Variants in SLC26A7 observed in about 807,000 individuals in gnomAD.
SLC26A7 encodes the protein anion exchange transporter.
In SLC26A7, 59 loss-of-function variants were observed where a neutral mutation model predicts 82.5. The observed-to-expected ratio is 0.72, with a 90% CI of 0.58 to 0.89. The LOEUF (loss-of-function observed/expected upper bound fraction) is 0.89. Among genes scored for constraint, SLC26A7 ranks in the 40% least tolerant of loss-of-function variants. The pLI is 0.00. For synonymous variants in SLC26A7, 271 were observed against 274.3 expected (o/e 0.99, Z 0.12); for missense variants, 820 against 793.0 (o/e 1.03, Z -0.41).
At chr8:91,219,815 G>T (rs1810129480) in intron 2 of SLC26A7, among the ~76,000 whole-genome samples, 1 of 152,126 alleles carries the variant, frequency 6.6e-6, no homozygotes, top group Non-Finnish European at 1.5e-5. Flanking sequence ...CCCTCCACGT[G>T]ATCTCTTTGC....
At chr8:91,243,822 T>A (rs1343913024) in intron 2 of SLC26A7, among the ~76,000 whole-genome samples, 1 of 152,138 alleles carries the variant, frequency 6.6e-6, no homozygotes, top group Non-Finnish European at 1.5e-5. Flanking sequence ...TAAGTGTAAA[T>A]GGTCTAAATA....
chr8:91,281,652 C>T (rs1183051909), intron 2 of SLC26A7, among the ~76,000 whole-genome samples: 1 of 152,164 alleles, frequency 6.6e-6, no homozygotes, highest in Non-Finnish European at 1.5e-5. Flanking sequence ...TCCCAAGCCA[C>T]TGGATCAAGG....
At chr8:91,233,751 G>A (rs544324492) in intron 2 of SLC26A7, among the ~76,000 whole-genome samples, 2 of 152,246 alleles carry the variant, frequency 1.3e-5, no homozygotes, top group East Asian at 1.9e-4. Flanking sequence ...AGTTCAATGT[G>A]TTTTATTTTC....
At chr8:91,308,279 G>GTC (rs1554606797) in intron 4 of SLC26A7, among the ~76,000 whole-genome samples, 1 of 149,990 alleles carries the variant, frequency 6.7e-6, no homozygotes, top group African/African-American at 2.5e-5. Context: ...GTGTGTGTGT[G>GTC]TCTACATATA....
chr8:91,289,342 C>A, intron 3 of SLC26A7, 96 bp downstream of exon 3: 1 of 908,990 alleles, frequency 1.1e-6, no homozygotes, highest in Non-Finnish European at 1.8e-6. Context: ...AATGTCACTG[C>A]TGAAAACCAC....
chr8:91,304,872 T>C (rs1812260525), intron 4 of SLC26A7, among the ~76,000 whole-genome samples: 1 of 152,204 alleles, frequency 6.6e-6, no homozygotes, highest in South Asian at 2.1e-4. Context: ...TCTCTAGGCA[T>C]GCCAGGCCCC....
intron 2 of SLC26A7, among the ~76,000 whole-genome samples, chr8:91,232,393 C>T (rs1053124898): frequency 3.3e-5 from 5 of 152,180 alleles, no homozygotes; most frequent in African/African-American, 1.2e-4. Context: ...GCTGATTCCA[C>T]ACTTCACTTT....
chr8:91,357,699 GC>G (rs1041409911), intron 11 of SLC26A7, among the ~76,000 whole-genome samples: 11 of 151,554 alleles, frequency 7.3e-5, no homozygotes, highest in African/African-American at 2.4e-4. Flanking sequence ...ATAGGCATGG[GC>G]AAGGACTTCA....
chr8:91,313,479 G>A (rs1812543865), intron 4 of SLC26A7, among the ~76,000 whole-genome samples: 1 of 151,968 alleles, frequency 6.6e-6, no homozygotes, highest in African/African-American at 2.4e-5. Context: ...CCATATCTCT[G>A]AACAGCACTA....
At chr8:91,388,460 A>C (rs1814863815) in intron 15 of SLC26A7, among the ~76,000 whole-genome samples, 1 of 152,190 alleles carries the variant, frequency 6.6e-6, no homozygotes, top group African/African-American at 2.4e-5. Context: ...TGTAGCCACT[A>C]TACAGAAAAA....
intron 5 of SLC26A7, among the ~76,000 whole-genome samples, 166 bp from the exon 6 acceptor site, chr8:91,334,129 T>G (rs1813172585): frequency 6.6e-6 from 1 of 152,174 alleles, no homozygotes; most frequent in Non-Finnish European, 1.5e-5. Flanking sequence ...TAGATGTAAA[T>G]AAATACATAG....
intron 2 of SLC26A7, among the ~76,000 whole-genome samples, chr8:91,288,525 G>T (rs1024353646): frequency 2.6e-5 from 4 of 152,154 alleles, no homozygotes; most frequent in Non-Finnish European, 5.9e-5. Flanking sequence ...AGTAAGAAAA[G>T]TTGATTTCTT....
chr8:91,257,372 T>C lies in SLC26A7; in HGVS notation c.193+7528T>C, dbSNP rs557116236. Among the ~76,000 whole-genome samples the C allele has an allele frequency of 1.1e-4, 17 of 152,262 alleles. No homozygotes were observed. In the South Asian group the frequency reaches 2.9e-3, roughly 26 times the overall value. ...ACTGCTGTCCGCTTGGTTTGATCCC[T>C]CTTGTCTCAGCTCTGTTTCCTCTAT... is the stretch of plus-strand genomic sequence containing the variant. On this transcript the variant is annotated intron_variant, in intron 2 of 18. Coordinates refer to ENST00000276609, the MANE Select transcript of SLC26A7 (RefSeq NM_052832.4).
At chr8:91,390,575 G>A (rs1362268560) in intron 16 of SLC26A7, among the ~76,000 whole-genome samples, 2 of 151,912 alleles carry the variant, frequency 1.3e-5, no homozygotes, top group South Asian at 2.1e-4. Flanking sequence ...CCTGTGAATC[G>A]GCTCACCTCA....
At chr8:91,371,968 T>C (rs932005888) in intron 15 of SLC26A7, among the ~76,000 whole-genome samples, 2 of 152,084 alleles carry the variant, frequency 1.3e-5, no homozygotes, top group African/African-American at 4.8e-5. Context: ...TTGATTTTGA[T>C]TTGCATTTCT....
intron 15 of SLC26A7, among the ~76,000 whole-genome samples, chr8:91,374,412 T>A (rs1333708552): frequency 6.6e-6 from 1 of 151,660 alleles, no homozygotes; most frequent in Non-Finnish European, 1.5e-5. Context: ...ATCTTAGAGG[T>A]TTGTTATGTT....
At chr8:91,320,259 C>T (rs937045043) in intron 5 of SLC26A7, among the ~76,000 whole-genome samples, 3 of 152,096 alleles carry the variant, frequency 2.0e-5, no homozygotes, top group African/African-American at 7.2e-5. Flanking sequence ...GACGGGGTTT[C>T]ACCATATTGG....
chr8:91,265,580 T>C (rs1452332986), intron 2 of SLC26A7, among the ~76,000 whole-genome samples: 1 of 151,970 alleles, frequency 6.6e-6, no homozygotes, highest in African/African-American at 2.4e-5. Context: ...ATTTTGATGA[T>C]AGACATCCTA....
At chr8:91,363,941 G>GC (rs1414596558) in intron 13 of SLC26A7, among the ~76,000 whole-genome samples, 2 of 135,692 alleles carry the variant, frequency 1.5e-5, no homozygotes, top group Non-Finnish European at 3.2e-5. Flanking sequence ...TCATGGTATT[G>GC]TTTTTTTTTT....
Sources: allele counts gnomAD v4.1 joint callset (sites outside exome capture counted in the v4.1 genomes callset), GRCh38; gene constraint gnomAD v4.1.1; transcripts MANE v1.5; gene names NCBI Gene and HGNC (gene_info 2026-07-23, HGNC 2026-07-21).